The following LPIN2 variants were observed in gnomAD, a reference collection of about 807,000 sequenced individuals.
The protein encoded by LPIN2 is lipin 2, also known as phosphatidate phosphatase LPIN2.
Under a neutral mutation model 111.4 loss-of-function variants are expected in LPIN2, and 55 were observed. That is an observed-to-expected ratio of 0.49 (90% CI 0.40 to 0.62). The LOEUF (loss-of-function observed/expected upper bound fraction) is 0.62, where lower values mean the gene tolerates loss of function less well. LPIN2 is among the 20% of genes least tolerant of loss of function. LPIN2 has a pLI of 0.00. For missense variants in LPIN2, 992 were observed against 1,112.1 expected (o/e 0.89, Z 1.54); for synonymous variants, 425 against 414.0 (o/e 1.03, Z -0.32).
intron 1 of LPIN2, among the ~76,000 whole-genome samples, chr18:2,997,909 G>C (rs666676): frequency 0.91 from 139,211 of 152,274 alleles, 64,458 homozygotes; most frequent in East Asian, 1. Flanking sequence ...CTTCCCTACT[G>C]TTTCCTTTGG....
In LPIN2 at chr18:2,980,725, G is replaced by A. The variant is rs113686048; in HGVS notation, c.-9-19876C>T. Among the ~76,000 whole-genome samples the A allele has an allele frequency of 4.4e-3, 663 of 152,296 alleles. 5 individuals are homozygous for A. The highest frequency in any genetic ancestry group is 0.015 in the African/African-American group (638 of 41,558). On this transcript the variant is annotated intron_variant, in intron 1 of 19. Coordinates refer to ENST00000677752, the MANE Select transcript of LPIN2 (RefSeq NM_001375808.2). Reference sequence around the variant, plus strand: ...ATGTGAAGACTCAAGATCAAGTCTCGCTTCCGCTGGAGAAGAGGTCTGGGC... The same window carrying A: ...ATGTGAAGACTCAAGATCAAGTCTCACTTCCGCTGGAGAAGAGGTCTGGGC...
chr18:2,948,701 A>G (rs1458618502), intron 4 of LPIN2, among the ~76,000 whole-genome samples: 1 of 152,258 alleles, frequency 6.6e-6, no homozygotes, highest in East Asian at 1.9e-4. Flanking sequence ...GGCTGATCCT[A>G]ATAAAACTTA....
intron 16 of LPIN2, among the ~76,000 whole-genome samples, chr18:2,922,432 G>A (rs1310748160): frequency 6.6e-6 from 1 of 151,938 alleles, no homozygotes; most frequent in Non-Finnish European, 1.5e-5. Flanking sequence ...GGGACACCAT[G>A]CCCGGCTTAA....
intron 2 of LPIN2, among the ~76,000 whole-genome samples, chr18:2,959,242 G>C (rs1379097313): frequency 2.6e-5 from 4 of 152,160 alleles, no homozygotes; most frequent in Non-Finnish European, 4.4e-5. Flanking sequence ...AGTGGAAACT[G>C]ATTTTGTAAT....
chr18:2,922,309 C>CT (rs2077068020), intron 16 of LPIN2, 110 bp from the exon 17 acceptor site: 2 of 1,288,204 alleles, frequency 1.6e-6, no homozygotes, highest in African/African-American at 3.0e-5. Context: ...GAGTCTCACT[C>CT]TGTTACCCAG....
rs1230457379 is a variant in LPIN2, at chr18:2,946,280, G to A, written c.590+4775C>T. ...TTCCTGAAATTTTGGTTTTAATTCAGATAGTTCCTTCTCCTCAGTAGTCTT... is the reference window on the plus strand; with the variant it reads ...TTCCTGAAATTTTGGTTTTAATTCAAATAGTTCCTTCTCCTCAGTAGTCTT... On this transcript the variant is annotated intron_variant, in intron 4 of 19. Coordinates refer to ENST00000677752, the MANE Select transcript of LPIN2 (RefSeq NM_001375808.2). 3.3e-6 allele frequency: 5 copies of A among 1,532,054 alleles called. No homozygotes were observed. In the African/African-American group the frequency reaches 6.9e-5, roughly 21 times the overall value. The allele number at this position is 1,532,054 out of a possible 1,614,324, so 94.9% of individuals were successfully genotyped here.
At chr18:2,954,773 A>G (rs1011452793) in intron 2 of LPIN2, among the ~76,000 whole-genome samples, 174 bp from the exon 3 acceptor site, 1 of 152,192 alleles carries the variant, frequency 6.6e-6, no homozygotes, top group Non-Finnish European at 1.5e-5. Context: ...AGCCAAATGG[A>G]GCTGGCAGAG....
chr18:2,924,818 G>C (rs534163486), intron 14 of LPIN2, among the ~76,000 whole-genome samples: 41 of 152,316 alleles, frequency 2.7e-4, no homozygotes, highest in African/African-American at 9.4e-4. Flanking sequence ...TACTGCTTTA[G>C]CCACAGCCTG....
rs765641037 is a variant in LPIN2 at position 3,002,236 on chromosome 18, C to CAAA, written c.-10+10848_-10+10850dup. 4.2e-3 allele frequency among the ~76,000 whole-genome samples: 348 copies of CAAA among 82,748 alleles called. 2 individuals are homozygous for CAAA. Among genetic ancestry groups the CAAA allele is most frequent in the African/African-American group, 0.013 (287 of 21,334 alleles). 54.3% of individuals were successfully genotyped at this position (82,748 alleles called of 152,430 possible). On this transcript the variant is annotated intron_variant, in intron 1 of 19. Transcript: ENST00000677752. ...TTTAAAAGGATGACCTTCAAAAGACCAAAAAAAAAAAAAAAAAAAAAACCC... is the reference window on the plus strand; with the variant it reads ...TTTAAAAGGATGACCTTCAAAAGACCAAAAAAAAAAAAAAAAAAAAAAAAACCC...
At chr18:2,943,822 T>A (rs982496917) in intron 4 of LPIN2, among the ~76,000 whole-genome samples, 1 of 152,218 alleles carries the variant, frequency 6.6e-6, no homozygotes. Flanking sequence ...CAGATCTTTT[T>A]GTTTTTATTT....
chr18:2,964,788 G>T (rs1251632181), intron 1 of LPIN2, among the ~76,000 whole-genome samples: 1 of 152,068 alleles, frequency 6.6e-6, no homozygotes, highest in Non-Finnish European at 1.5e-5. Context: ...AAATGTCAGA[G>T]AACTATTATG....
intron 1 of LPIN2, among the ~76,000 whole-genome samples, chr18:3,010,611 G>A (rs7233117): frequency 0.72 from 110,122 of 152,026 alleles, 40,360 homozygotes; most frequent in East Asian, 1. Flanking sequence ...CACTGGGGTC[G>A]GAGTAAAAAG....
chr18:2,970,921 A>G (rs556457670), intron 1 of LPIN2, among the ~76,000 whole-genome samples: 38 of 152,118 alleles, frequency 2.5e-4, no homozygotes, highest in African/African-American at 7.2e-4. Context: ...ATTTCAACAC[A>G]CTCACTTTCT....
rs551007904 is a variant in LPIN2, at chr18:2,988,711, T to C, written c.-10+24376A>G. Among the ~76,000 whole-genome samples the C allele has an allele frequency of 5.9e-5, 9 of 152,340 alleles. No homozygotes were observed. The South Asian group carries it at 1.9e-3, about 32-fold the overall frequency. ...TGGTAATGTCTAAGATTTAACCTTG[T>C]AATGTCAAGACACAGATAGGATTCA... is the stretch of plus-strand genomic sequence containing the variant. On this transcript the variant is annotated intron_variant, in intron 1 of 19. Coordinates refer to ENST00000677752, the MANE Select transcript of LPIN2 (RefSeq NM_001375808.2).
At position 2,950,928 on chromosome 18, in the gene LPIN2, A is replaced by G. The variant is rs75643393; in HGVS notation, c.590+127T>C. Reference sequence around the variant, plus strand: ...AACTGCCTTTGCTGCTTGATTCCACAATAAACTGTAAAGGGGGAAAACAAG... The same window carrying G: ...AACTGCCTTTGCTGCTTGATTCCACGATAAACTGTAAAGGGGGAAAACAAG... On this transcript the variant is annotated intron_variant, in intron 4 of 19. Coordinates refer to ENST00000677752, the MANE Select transcript of LPIN2 (RefSeq NM_001375808.2). 0.011 allele frequency: 10,657 copies of G among 974,200 alleles called. 731 individuals carry two copies. In the African/African-American group the frequency reaches 0.15, roughly 13 times the overall value. 60.3% of individuals were successfully genotyped at this position (974,200 alleles called of 1,614,324 possible).
chr18:2,946,474 G>A (rs781235964), intron 4 of LPIN2: 44 of 1,532,492 alleles, frequency 2.9e-5, no homozygotes, highest in Non-Finnish European at 3.8e-5. Flanking sequence ...TGCAAGCATC[G>A]TCGGAATTGG....
chr18:2,958,361 A>G (rs1277378001), intron 2 of LPIN2, among the ~76,000 whole-genome samples: 2 of 152,028 alleles, frequency 1.3e-5, no homozygotes, highest in Non-Finnish European at 2.9e-5. Flanking sequence ...TTATTATACT[A>G]CATCTCTCTA....
At chr18:2,931,142 G>A in intron 9 of LPIN2, 114 bp downstream of exon 9, 2 of 1,243,404 alleles carry the variant, frequency 1.6e-6, no homozygotes, top group Middle Eastern at 3.9e-4. Flanking sequence ...CCTGTTACCT[G>A]CACAAGATCC....
At chr18:2,924,600 G>A (rs1017206999) in intron 14 of LPIN2, 54 bp from the exon 15 acceptor site, 37 of 1,588,008 alleles carry the variant, frequency 2.3e-5, no homozygotes, top group Non-Finnish European at 2.9e-5. Context: ...AGTTTGAAAC[G>A]ATTTAAAAAT....
Sources: gnomAD v4.1 joint callset for allele counts (sites outside exome capture counted in the v4.1 genomes callset) on GRCh38, gnomAD v4.1.1 for gene constraint, MANE v1.5 for transcripts, NCBI Gene and HGNC (gene_info 2026-07-23, HGNC 2026-07-21) for gene names.